UPK1B: variants seen among roughly 807,000 people sequenced by gnomAD.
UPK1B encodes the protein uroplakin 1B, also known as uroplakin-1b.
A neutral mutation model predicts 34.2 loss-of-function variants in UPK1B; 28 were observed. The observed-to-expected ratio is 0.82, with a 90% CI of 0.61 to 1.12. UPK1B has a LOEUF of 1.12. Among genes scored for constraint, UPK1B ranks in the 50% most tolerant of loss-of-function variants. The pLI is 0.00. For synonymous variants in UPK1B, 81 were observed against 110.4 expected, an observed-to-expected ratio of 0.73 and a Z score of 1.67; for missense variants, 325 against 320.9, an observed-to-expected ratio of 1.01 and a Z score of -0.10.
At chr3:119,188,031 T>G in intron 3 of UPK1B, 56 bp downstream of exon 3, 1 of 1,572,584 alleles carries the variant, frequency 6.4e-7, no homozygotes. Context: ...AATGGATTCT[T>G]TCTTCTTCAC....
At chr3:119,188,829 C>T (rs768856327) in intron 3 of UPK1B, among the ~76,000 whole-genome samples, 10 of 152,196 alleles carry the variant, frequency 6.6e-5, no homozygotes, top group African/African-American at 2.4e-4. Context: ...GACCTCAGTT[C>T]CCCCTTTATA....
chr3:119,187,758 C>A lies in UPK1B; in HGVS notation c.70-17C>A. On this transcript the variant is annotated splice_polypyrimidine_tract_variant and intron_variant, in intron 2 of 7. Transcript: ENST00000264234. ...AAGCTGCACTCCTGATGGAGCCCAC[C>A]TTTCATTTGCCCCCAGTGTTGCGGC... 1 of 1,613,508 alleles carries A rather than the reference C, an allele frequency of 6.2e-7. No homozygotes were observed. Among genetic ancestry groups the A allele is most frequent in the Non-Finnish European group, 8.5e-7 (1 of 1,179,830 alleles).
chr3:119,184,601 C>T (rs1444582275), intron 1 of UPK1B, among the ~76,000 whole-genome samples: 2 of 151,292 alleles, frequency 1.3e-5, no homozygotes, highest in African/African-American at 4.9e-5. Context: ...CGGTGGGCAC[C>T]TGTAGTCCCA....
chr3:119,190,938 T>G (rs376288568), intron 4 of UPK1B, 44 bp from the exon 5 acceptor site: 1 of 1,604,724 alleles, frequency 6.2e-7, no homozygotes, highest in Non-Finnish European at 8.5e-7. Context: ...CCTTGAAAAT[T>G]AGCGTGCTAT....
At chr3:119,190,213 T>C in intron 3 of UPK1B, 32 bp from the exon 4 acceptor site, 1 of 1,504,884 alleles carries the variant, frequency 6.6e-7, no homozygotes, top group Non-Finnish European at 9.1e-7. Context: ...CGGGTAAATG[T>C]AATTCTTTTA....
chr3:119,175,034 T>TTTTTTTTTTTTTTTTTTTTTC (rs2077948748), intron 1 of UPK1B, among the ~76,000 whole-genome samples: 1 of 77,652 alleles, frequency 1.3e-5, no homozygotes, highest in Non-Finnish European at 2.7e-5. Context: ...TTTTTTTTTT[T>TTTTTTTTTTTTTTTTTTTTTC]TTTTTTTTTT....
intron 3 of UPK1B, among the ~76,000 whole-genome samples, chr3:119,188,762 T>G (rs139081672): frequency 2.6e-5 from 4 of 152,214 alleles, no homozygotes; most frequent in Admixed American, 2.6e-4. Flanking sequence ...CACACTATTA[T>G]GGAACACGCC....
intron 5 of UPK1B, 53 bp downstream of exon 5, chr3:119,191,157 G>GT (rs2078042426): frequency 7.5e-6 from 12 of 1,599,972 alleles, no homozygotes; most frequent in Non-Finnish European, 9.4e-6. Flanking sequence ...GTGGGAGTGG[G>GT]TGTCATACAC....
intron 1 of UPK1B, among the ~76,000 whole-genome samples, chr3:119,179,372 T>G (rs9818741): frequency 0.29 from 26,041 of 89,914 alleles, 4,439 homozygotes; most frequent in East Asian, 0.48. Context: ...TATATATATA[T>G]ATATATATAT....
At chr3:119,188,698 C>T (rs544155139) in intron 3 of UPK1B, among the ~76,000 whole-genome samples, 2 of 152,314 alleles carry the variant, frequency 1.3e-5, no homozygotes, top group South Asian at 2.1e-4. Context: ...AGCTGAGAAA[C>T]CTGTTTCAGA....
chr3:119,188,630 C>G (rs2078030347), intron 3 of UPK1B, among the ~76,000 whole-genome samples: 1 of 152,190 alleles, frequency 6.6e-6, no homozygotes, highest in African/African-American at 2.4e-5. Context: ...TGCCCCAAAC[C>G]ATAGACAGCA....
intron 1 of UPK1B, among the ~76,000 whole-genome samples, chr3:119,178,682 G>A (rs116444918): frequency 7.9e-5 from 12 of 152,278 alleles, no homozygotes; most frequent in African/African-American, 2.9e-4. Flanking sequence ...TGTGTAAGAG[G>A]AAAATGTTTA....
chr3:119,177,662 C>T (rs1576865026), intron 1 of UPK1B, among the ~76,000 whole-genome samples: 2 of 152,230 alleles, frequency 1.3e-5, no homozygotes, highest in South Asian at 2.1e-4. Context: ...GTGTGACACC[C>T]GTCAATTAAT....
intron 7 of UPK1B, among the ~76,000 whole-genome samples, chr3:119,203,459 A>G (rs1191585087): frequency 6.6e-6 from 1 of 152,098 alleles, no homozygotes; most frequent in African/African-American, 2.4e-5. Flanking sequence ...ACTATGGAAT[A>G]CTATGCAGCC....
chr3:119,193,400 A>T (rs1031466193), intron 5 of UPK1B, among the ~76,000 whole-genome samples: 4 of 152,224 alleles, frequency 2.6e-5, no homozygotes, highest in African/African-American at 7.2e-5. Context: ...AAGTTCCAAG[A>T]TACCCATGGT....
chr3:119,186,651 G>A (rs748554770), intron 1 of UPK1B, 63 bp from the exon 2 acceptor site: 22 of 1,295,004 alleles, frequency 1.7e-5, no homozygotes, highest in East Asian at 7.1e-5. Flanking sequence ...GAGGCAATAC[G>A]CAATGGCTTG....
chr3:119,190,369 CA>C, intron 4 of UPK1B, 50 bp downstream of exon 4: 2 of 1,417,124 alleles, frequency 1.4e-6, no homozygotes, highest in East Asian at 4.6e-5. Context: ...ATTATTATAA[CA>C]ACCAACATGT....
Position 119,179,368 on chromosome 3 carries a change from T to G in UPK1B, c.-29+5730T>G, listed in dbSNP as rs1420028389. ...AGAGAGGGAGATATATATATATATA[T>G]ATATATATATATATATATATATATA... is the stretch of plus-strand genomic sequence containing the variant. On this transcript the variant is annotated intron_variant, in intron 1 of 7. Coordinates refer to ENST00000264234, the MANE Select transcript of UPK1B (RefSeq NM_006952.4). 1.4e-3 allele frequency among the ~76,000 whole-genome samples: 78 copies of G among 56,356 alleles called. 4 individuals carry two copies. Among genetic ancestry groups the G allele is most frequent in the East Asian group, 4.9e-3 (8 of 1,634 alleles). The allele number at this position is 56,356 out of a possible 152,430, so 37.0% of individuals were successfully genotyped here. A position where few individuals can be genotyped will look rare whatever the true frequency, so the allele number is the denominator to read the frequency against.
intron 1 of UPK1B, among the ~76,000 whole-genome samples, chr3:119,184,563 CAAA>C (rs11369996): frequency 8.5e-6 from 1 of 117,238 alleles, no homozygotes. Context: ...ACTAAAAATA[CAAA>C]AAAAAAAAAA....
Sources: gnomAD v4.1 joint callset for allele counts (sites outside exome capture counted in the v4.1 genomes callset) on GRCh38, gnomAD v4.1.1 for gene constraint, MANE v1.5 for transcripts, NCBI Gene and HGNC (gene_info 2026-07-23, HGNC 2026-07-21) for gene names.